Variants in ECHDC3 observed in about 807,000 individuals in gnomAD.
ECHDC3 encodes enoyl-CoA hydratase domain-containing protein 3, mitochondrial.
Under a neutral mutation model 17.9 loss-of-function variants are expected in ECHDC3, and 20 were observed. The observed-to-expected ratio is 1.12, with a 90% CI of 0.79 to 1.63. ECHDC3 has a LOEUF of 1.63. Ranked by LOEUF, ECHDC3 falls within the 40% of genes most tolerant of loss-of-function variation. The pLI is 0.00. For missense variants in ECHDC3, 407 were observed against 357.7 expected (o/e 1.14, Z -1.11); for synonymous variants, 177 against 149.7 (o/e 1.18, Z -1.33).
chr10:11,743,527 C>T (rs572194863), intron 1 of ECHDC3, among the ~76,000 whole-genome samples: 57 of 152,334 alleles, frequency 3.7e-4, no homozygotes, highest in South Asian at 1.7e-3. Flanking sequence ...CCTTTGCACC[C>T]GTCCTTTCTG....
At chr10:11,756,378 A>G (rs1832886720) in intron 4 of ECHDC3, among the ~76,000 whole-genome samples, 1 of 152,250 alleles carries the variant, frequency 6.6e-6, no homozygotes, top group African/African-American at 2.4e-5. Context: ...GCAGAATCTT[A>G]GACCACACCA....
At chr10:11,748,044 G>A (rs1017133231) in intron 2 of ECHDC3, among the ~76,000 whole-genome samples, 4 of 152,096 alleles carry the variant, frequency 2.6e-5, no homozygotes, top group Admixed American at 2.6e-4. Context: ...GTGATGCTAT[G>A]TTTGTTTGGC....
intron 1 of ECHDC3, among the ~76,000 whole-genome samples, chr10:11,746,232 G>A (rs148132947): frequency 0.017 from 2,627 of 151,676 alleles, 38 homozygotes; most frequent in Middle Eastern, 0.034. Flanking sequence ...GGAGCCTGAG[G>A]CAAGAGAATC....
At chr10:11,753,307 CG>C (rs1305811136) in intron 3 of ECHDC3, among the ~76,000 whole-genome samples, 4 of 152,016 alleles carry the variant, frequency 2.6e-5, no homozygotes, top group Non-Finnish European at 5.9e-5. Context: ...CACTTGAACC[CG>C]GGAGGCGGAG....
rs1832972326 is a variant in ECHDC3 at position 11,763,125 on chromosome 10, TG to T, written c.592-97del. On this transcript the variant is annotated intron_variant, in intron 4 of 4. Transcript: ENST00000379215. The surrounding 1 kb of genome is among the most constrained non-coding windows in gnomAD (Gnocchi z 4.9). ...AAGACGTCAGGGCTGGCGGATGACG[TG>T]GTATTTGAGGAAGCAGGTCATTGAG... 1.6e-6 allele frequency: 1 copy of T among 629,390 alleles called. No homozygotes were observed. Among genetic ancestry groups the T allele is most frequent in the Non-Finnish European group, 2.9e-6 (1 of 346,788 alleles). The allele number at this position is 629,390 out of a possible 1,614,324, so 39.0% of individuals were successfully genotyped here.
chr10:11,757,522 C>A (rs1832896954), intron 4 of ECHDC3, among the ~76,000 whole-genome samples: 1 of 152,140 alleles, frequency 6.6e-6, no homozygotes, highest in Admixed American at 6.6e-5. Flanking sequence ...GGCAAAAAAT[C>A]TCCAGACAGC....
chr10:11,756,617 C>G (rs1450478452), intron 4 of ECHDC3, among the ~76,000 whole-genome samples: 1 of 152,216 alleles, frequency 6.6e-6, no homozygotes, highest in Non-Finnish European at 1.5e-5. Context: ...TACCTGCGAA[C>G]ACACACACTT....
chr10:11,755,186 C>T (rs1376090026), intron 3 of ECHDC3, among the ~76,000 whole-genome samples: 5 of 151,996 alleles, frequency 3.3e-5, no homozygotes, highest in African/African-American at 1.2e-4. Context: ...TTTAGCTGGG[C>T]GTGGTAGCCC....
intron 3 of ECHDC3, among the ~76,000 whole-genome samples, chr10:11,751,713 G>A (rs4750098): frequency 0.97 from 147,840 of 152,284 alleles, 71,941 homozygotes; most frequent in East Asian, 1. Context: ...GAAGAACTTG[G>A]CTCTGGAAGA....
chr10:11,758,876 C>G (rs1348084005), intron 4 of ECHDC3, among the ~76,000 whole-genome samples: 1 of 152,228 alleles, frequency 6.6e-6, no homozygotes. Context: ...TCTGCAGCTC[C>G]TCACCCTGCT....
chr10:11,759,777 C>T (rs770511250), intron 4 of ECHDC3, among the ~76,000 whole-genome samples: 7 of 152,234 alleles, frequency 4.6e-5, no homozygotes, highest in Non-Finnish European at 1.0e-4. Flanking sequence ...GATCATGGAC[C>T]ATCTGCAGTT....
At position 11,742,733 on chromosome 10, in the gene ECHDC3, C is replaced by T; in HGVS notation, c.157C>T (p.Leu53=). ...SEPRPTSARQ[L]DGIRNIVLSN... is the part of the protein sequence containing the mutation. ...GCCGCGGCCCACCAGCGCGCGGCAGCTGGACGGCATAAGGTCAGCCCCGGG... is the reference window on the plus strand; with the variant it reads ...GCCGCGGCCCACCAGCGCGCGGCAGTTGGACGGCATAAGGTCAGCCCCGGG... Residue 53 remains leucine, a synonymous_variant, in exon 1 of 5, where the codon CTG becomes TTG. Coordinates refer to ENST00000379215, the MANE Select transcript of ECHDC3 (RefSeq NM_024693.5). 8.1e-7 allele frequency: 1 copy of T among 1,234,214 alleles called. No homozygotes were observed. The highest frequency in any genetic ancestry group is 1.0e-6 in the Non-Finnish European group (1 of 989,300). The allele number at this position is 1,234,214 out of a possible 1,614,324, so 76.5% of individuals were successfully genotyped here.
At chr10:11,746,393 G>A (rs1832760493) in intron 1 of ECHDC3, among the ~76,000 whole-genome samples, 1 of 150,202 alleles carries the variant, frequency 6.7e-6, no homozygotes, top group Non-Finnish European at 1.5e-5. Flanking sequence ...GAATGAATAA[G>A]GCCGAGAATT....
At position 11,743,869 on chromosome 10, in the gene ECHDC3, G is replaced by A. The variant is rs368159520; in HGVS notation, c.170+1123G>A. ...GCGGCCAGATGGCAAAAAGGAGGCCGGTCGAGTTCTCCAGAATTAAATATG... is the reference window on the plus strand; with the variant it reads ...GCGGCCAGATGGCAAAAAGGAGGCCAGTCGAGTTCTCCAGAATTAAATATG... On this transcript the variant is annotated intron_variant, in intron 1 of 4. Transcript: ENST00000379215. 1.4e-4 allele frequency among the ~76,000 whole-genome samples: 21 copies of A among 152,340 alleles called. No individual in the cohort carries two copies. In the East Asian group the frequency reaches 3.3e-3, roughly 24 times the overall value.
At chr10:11,761,783 C>T (rs1832955744) in intron 4 of ECHDC3, among the ~76,000 whole-genome samples, 2 of 152,232 alleles carry the variant, frequency 1.3e-5, no homozygotes, top group Admixed American at 6.5e-5. Context: ...GCCCTTGTCT[C>T]AAAGGAACCA....
In ECHDC3 at chr10:11,747,415, A is replaced by T. The variant is rs749922117; in HGVS notation, c.237A>T (p.Gln79His). The change falls in exon 2 of 5, where the codon CAA becomes CAT. Residue 79 changes from glutamine to histidine, a missense_variant. Gln to His is a conservative substitution (Grantham distance 24, BLOSUM62 0). Coordinates refer to ENST00000379215, the MANE Select transcript of ECHDC3 (RefSeq NM_024693.5). ...ALSLAMLKSL[Q>H]SDILHDADSN... ...CACTTGCAATGCTGAAGTCTCTCCA[A>T]AGTGACATTCTTCATGACGCTGACA... 1 of 1,614,016 alleles carries T rather than the reference A, an allele frequency of 6.2e-7. No homozygotes were observed. The highest frequency in any genetic ancestry group is 1.3e-5 in the African/African-American group (1 of 75,028).
At chr10:11,759,373 A>C (rs1447847270) in intron 4 of ECHDC3, among the ~76,000 whole-genome samples, 1 of 81,216 alleles carries the variant, frequency 1.2e-5, no homozygotes, top group Non-Finnish European at 3.1e-5. Context: ...AAAAAAAACA[A>C]AAAAAAAAAA....
chr10:11,759,455 G>A (rs1343258991), intron 4 of ECHDC3, among the ~76,000 whole-genome samples: 3 of 151,328 alleles, frequency 2.0e-5, no homozygotes, highest in Non-Finnish European at 4.4e-5. Context: ...CCCCGTTTAC[G>A]AACCAGGAGG....
chr10:11,744,742 C>T (rs73576962), intron 1 of ECHDC3, among the ~76,000 whole-genome samples: 3,379 of 152,164 alleles, frequency 0.022, 141 homozygotes, highest in African/African-American at 0.077. Flanking sequence ...GGATAGAAAA[C>T]TAGAATGACT....
Sources: allele counts gnomAD v4.1 joint callset (sites outside exome capture counted in the v4.1 genomes callset), GRCh38; gene constraint gnomAD v4.1.1; non-coding constraint Gnocchi (gnomAD v3.1); transcripts MANE v1.5; gene names NCBI Gene and HGNC (gene_info 2026-07-23, HGNC 2026-07-21).